ACACB: variants seen among roughly 807,000 people sequenced by gnomAD.
ACACB encodes acetyl-CoA carboxylase beta, also known as acetyl-CoA carboxylase 2.
ACACB carries 209 observed loss-of-function variants against 278.8 expected under a neutral mutation model. That is an observed-to-expected ratio of 0.75 (90% CI 0.67 to 0.84). The LOEUF is 0.84. Among genes scored for constraint, ACACB ranks in the 40% least tolerant of loss-of-function variants. ACACB has a pLI of 0.00. For synonymous variants in ACACB, 1,174 were observed against 1,285.6 expected, an observed-to-expected ratio of 0.91 and a Z score of 1.86; for missense variants, 2,850 against 3,269.0, an observed-to-expected ratio of 0.87 and a Z score of 3.13.
chr12:109,187,158 G>A (rs2044690889), intron 12 of ACACB, among the ~76,000 whole-genome samples: 1 of 151,756 alleles, frequency 6.6e-6, no homozygotes, highest in South Asian at 2.1e-4. Flanking sequence ...GGGAGGGAAG[G>A]AGGAAGGAAG....
intron 12 of ACACB, among the ~76,000 whole-genome samples, chr12:109,186,670 G>A (rs1323176370): frequency 6.6e-6 from 1 of 152,062 alleles, no homozygotes; most frequent in Non-Finnish European, 1.5e-5. Context: ...GGAAACTGGG[G>A]GTAAGAGAGG....
intron 1 of ACACB, among the ~76,000 whole-genome samples, chr12:109,117,623 A>G (rs2042438388): frequency 6.6e-6 from 1 of 152,028 alleles, no homozygotes; most frequent in African/African-American, 2.4e-5. Context: ...CTGTACACTC[A>G]CACTGTACAC....
At position 109,266,330 on chromosome 12, in the gene ACACB, C is replaced by T. The variant is rs1210304724; in HGVS notation, c.7345C>T (p.Leu2449=). ...TGAGCGGGCGCAGGTCGTTCACCTG[C>T]TGTCTACCATGGACAGCCCGGCCTC... The part of the protein sequence containing the change: ...PAERAQVVHL[L]STMDSPAST Residue 2449 remains leucine, a synonymous_variant, in exon 53 of 53, where the codon CTG becomes TTG. Transcript: ENST00000338432. 2 of 1,612,770 alleles carry T rather than the reference C, an allele frequency of 1.2e-6. No homozygotes were observed. The highest frequency in any genetic ancestry group is 1.7e-6 in the Non-Finnish European group (2 of 1,179,938).
chr12:109,233,811 G>T lies in ACACB; in HGVS notation c.4203G>T (p.Glu1401Asp). The change falls in exon 30 of 53, where the codon GAG (glutamate) becomes GAT (aspartate). Residue 1401 changes from glutamate to aspartate, a missense_variant. Physicochemically the swap from Glu to Asp is conservative, Grantham distance 45 (BLOSUM62 2). This residue lies in a region of ACACB where 2,265 missense variants were observed against 2,561.3 expected (regional missense o/e 0.88). Transcript: ENST00000338432. ...CCAAAGACACCCCCCTCTTCAGCGA[G>T]GCCCGCACCTCCCTATACTCCGAGG... ...NVPKDTPLFS[E>D]ARTSLYSEDD... 6.2e-7 allele frequency: 1 copy of T among 1,614,158 alleles called. No homozygotes were observed. Among genetic ancestry groups the T allele is most frequent in the Non-Finnish European group, 8.5e-7 (1 of 1,180,026 alleles).
At chr12:109,248,565 AG>A (rs2047011099) in intron 40 of ACACB, among the ~76,000 whole-genome samples, 1 of 152,174 alleles carries the variant, frequency 6.6e-6, no homozygotes, top group Admixed American at 6.5e-5. Context: ...CTGATGTTTG[AG>A]GGCAGGAAGC....
chr12:109,248,886 C>A (rs2047020874), intron 40 of ACACB: 1 of 152,136 alleles, frequency 6.6e-6, no homozygotes, highest in Non-Finnish European at 1.5e-5. Context: ...CATTATGTGG[C>A]CCTGGAATTT....
chr12:109,166,782 C>CA, intron 2 of ACACB, 79 bp from the exon 3 acceptor site: 1 of 1,586,718 alleles, frequency 6.3e-7, no homozygotes, highest in Non-Finnish European at 8.6e-7. Flanking sequence ...TCCTCTGCTC[C>CA]ACTGGCTTTA....
Position 109,241,081 on chromosome 12 carries a change from G to A in ACACB, c.4822G>A (p.Glu1608Lys), listed in dbSNP as rs374379639. 14 of 1,613,688 alleles carry A rather than the reference G, an allele frequency of 8.7e-6. No individual in the cohort carries two copies. The highest frequency in any genetic ancestry group is 1.2e-5 in the Non-Finnish European group (14 of 1,179,690). The stretch of plus-strand genomic sequence containing the variant: ...GAATTGCTGTGTTTTGGGGCAGATC[G>A]AGGAGTCCGTGCGCTACATGGTTAT... ...PTVIMDPFKI[E>K]ESVRYMVMRY... The change falls in exon 36 of 53, where the codon GAG (glutamate) becomes AAG (lysine). Residue 1608 changes from glutamate (E) to lysine (K), a missense_variant. Around this residue, in one of 3 missense-constraint regions of ACACB, gnomAD observed 2,265 missense variants for 2,561.3 expected, o/e 0.88. Transcript: ENST00000338432.
rs570174460 is a variant in ACACB at position 109,251,160 on chromosome 12, G to T, written c.5791-886G>T. ...ATGCATGCTTGAGCCCACCCACCCA[G>T]CTCCTGAGATCTTATGGGGAAGCTG... On this transcript the variant is annotated intron_variant, in intron 41 of 52. Coordinates refer to ENST00000338432, the MANE Select transcript of ACACB (RefSeq NM_001093.4). 1.9e-4 allele frequency among the ~76,000 whole-genome samples: 29 copies of T among 152,270 alleles called. 2 individuals are homozygous for T. Among genetic ancestry groups the T allele is most frequent in the Middle Eastern group, 3.4e-3 (1 of 294 alleles).
chr12:109,252,185 G>A (rs2047114024), intron 42 of ACACB, 29 bp downstream of exon 42: 2 of 1,495,400 alleles, frequency 1.3e-6, no homozygotes, highest in Non-Finnish European at 1.8e-6. Flanking sequence ...GTGCAGAGTG[G>A]ATCCTTGGGG....
chr12:109,202,933 C>T (rs1290349944), intron 19 of ACACB, among the ~76,000 whole-genome samples: 2 of 152,152 alleles, frequency 1.3e-5, no homozygotes, highest in Non-Finnish European at 2.9e-5. Context: ...AATCCATTCA[C>T]ATTGTTGCAC....
chr12:109,171,793 A>G lies in ACACB; in HGVS notation c.926-12A>G, dbSNP rs1006111675. ...CAGCAGTTCCTTCCTTCTCCCTCCC[A>G]TTTAATTTCAGAGTACATCAAGATG... On this transcript the variant is annotated splice_polypyrimidine_tract_variant and intron_variant, in intron 4 of 52. Transcript: ENST00000338432. 6.9e-6 allele frequency: 11 copies of G among 1,605,392 alleles called. No homozygotes were observed. Among genetic ancestry groups the G allele is most frequent in the Non-Finnish European group, 8.5e-6 (10 of 1,172,372 alleles).
intron 2 of ACACB, 104 bp from the exon 3 acceptor site, chr12:109,166,757 C>G: frequency 1.5e-6 from 2 of 1,366,668 alleles, no homozygotes; most frequent in Non-Finnish European, 2.0e-6. Context: ...CAGGGGGGCT[C>G]TGGTGCAGTT....
At chr12:109,113,061 C>T (rs1397998285), upstream of ACACB, 3 of 151,738 alleles carry the variant, frequency 2.0e-5, no homozygotes, top group Non-Finnish European at 4.4e-5. Context: ...TTTTTTTTTC[C>T]TAAGCATTTA....
rs1370263523 is a variant in ACACB at position 109,139,506 on chromosome 12, A to C, written c.101A>C (p.Lys34Thr). 13 of 1,614,052 alleles carry C rather than the reference A, an allele frequency of 8.1e-6. No homozygotes were observed. The highest frequency in any genetic ancestry group is 1.3e-5 in the African/African-American group (1 of 74,910). The stretch of plus-strand genomic sequence containing the variant: ...ATGACGGACTCCAAGCCGATCACCA[A>C]GAGTAAATCAGAAGCAAACCTCATC... Reference protein sequence around the residue: ...GKMTDSKPITKSKSEANLIPS... With the variant: ...GKMTDSKPITTSKSEANLIPS... Residue 34 changes from lysine to threonine, a missense_variant, in exon 2 of 53, where the codon AAG becomes ACG. Lys to Thr is a moderately conservative substitution (Grantham distance 78, BLOSUM62 -1). Coordinates refer to ENST00000338432, the MANE Select transcript of ACACB (RefSeq NM_001093.4).
At chr12:109,209,109 CGGT>C in intron 20 of ACACB, 53 bp from the exon 21 acceptor site, 1 of 1,512,638 alleles carries the variant, frequency 6.6e-7, no homozygotes, top group East Asian at 2.4e-5. Context: ...CTGTTTGGGG[CGGT>C]GGTGCCCATG....
chr12:109,162,446 G>A (rs897340437), intron 2 of ACACB, among the ~76,000 whole-genome samples: 3 of 152,104 alleles, frequency 2.0e-5, no homozygotes, highest in Non-Finnish European at 2.9e-5. Flanking sequence ...GAGCTGAGGG[G>A]TAAGGAGGGT....
At chr12:109,256,008 G>C (rs2047214068) in intron 44 of ACACB, 132 bp from the exon 45 acceptor site, 1 of 627,876 alleles carries the variant, frequency 1.6e-6, no homozygotes, top group East Asian at 2.9e-5. Flanking sequence ...TGTGGTTTTA[G>C]GTAGAAAGGG....
Position 109,259,125 on chromosome 12 carries a change from C to G in ACACB, c.6496+17C>G. Reference sequence around the variant, plus strand: ...GCATGAAAGGTAAGCCCCTCCCTGCCTATGTTACCCCAAAGCCTTGGGGTC... The same window carrying G: ...GCATGAAAGGTAAGCCCCTCCCTGCGTATGTTACCCCAAAGCCTTGGGGTC... On this transcript the variant is annotated intron_variant, in intron 47 of 52. Transcript: ENST00000338432. The G allele has an allele frequency of 6.2e-7, 1 of 1,612,932 alleles. No individual in the cohort carries two copies. The highest frequency in any genetic ancestry group is 1.7e-4 in the Middle Eastern group (1 of 6,056).
Sources: allele counts gnomAD v4.1 joint callset (sites outside exome capture counted in the v4.1 genomes callset), GRCh38; gene constraint gnomAD v4.1.1; regional missense constraint gnomAD v4.1.1; transcripts MANE v1.5; gene names NCBI Gene and HGNC (gene_info 2026-07-23, HGNC 2026-07-21).